Variants in TCF25 observed in about 807,000 individuals in gnomAD.
TCF25 encodes the protein TCF25 ribosome quality control complex subunit.
A neutral mutation model predicts 83.1 loss-of-function variants in TCF25; 41 were observed. That is an observed-to-expected ratio of 0.49 (90% CI 0.38 to 0.64). The LOEUF (loss-of-function observed/expected upper bound fraction) is 0.64, where lower values mean the gene tolerates loss of function less well. Ranked by LOEUF, TCF25 falls within the 30% of genes least tolerant of loss-of-function variation. The probability of loss-of-function intolerance (pLI) is 0.00; values close to 1 mark genes in which losing one functional copy is unlikely to be tolerated. For missense variants in TCF25, 979 were observed against 914.5 expected (o/e 1.07, Z -0.91); for synonymous variants, 458 against 365.0 (o/e 1.25, Z -2.90).
At chr16:89,886,254 C>T in intron 4 of TCF25, 1 of 376,434 alleles carries the variant, frequency 2.7e-6, no homozygotes, top group Non-Finnish European at 5.2e-6. Flanking sequence ...GGTGAAACCC[C>T]CTCTCTACTA....
At chr16:89,904,640 C>T in intron 13 of TCF25, 1 of 536,858 alleles carries the variant, frequency 1.9e-6, no homozygotes, top group Non-Finnish European at 3.4e-6. Context: ...GGGGTCATCC[C>T]CTGGCCCTCC....
chr16:89,906,169 G>A lies in TCF25; in HGVS notation c.1629-25G>A, dbSNP rs1434029410. On this transcript the variant is annotated intron_variant, in intron 14 of 17. Coordinates refer to ENST00000263346, the MANE Select transcript of TCF25 (RefSeq NM_014972.3). ...TTTCATTTGCTGTGCTTTATCTGCT[G>A]TGCCTTGTTTCTCCCCGGCCCTAGG... The A allele has an allele frequency of 2.5e-6, 4 of 1,605,798 alleles. No homozygotes were observed. The Admixed American group carries it at 5.0e-5, about 20-fold the overall frequency.
At chr16:89,876,158 C>T (rs1192321896) in intron 1 of TCF25, among the ~76,000 whole-genome samples, 1 of 152,120 alleles carries the variant, frequency 6.6e-6, no homozygotes, top group African/African-American at 2.4e-5. Flanking sequence ...GTAACACTAA[C>T]AGCCTCCATG....
intron 13 of TCF25, chr16:89,904,606 AAC>A (rs755054218): frequency 4.0e-6 from 2 of 497,962 alleles, no homozygotes; most frequent in Non-Finnish European, 7.4e-6. Context: ...AGAGGGAGCA[AAC>A]ACAGGAGAAA....
chr16:89,895,688 C>T (rs1402184549), intron 8 of TCF25, among the ~76,000 whole-genome samples: 1 of 152,244 alleles, frequency 6.6e-6, no homozygotes, highest in Non-Finnish European at 1.5e-5. Flanking sequence ...TCAGCATGCA[C>T]ACGCAGTCTT....
intron 7 of TCF25, 140 bp from the exon 8 acceptor site, chr16:89,894,898 G>A: frequency 1.6e-6 from 1 of 608,746 alleles, no homozygotes; most frequent in Non-Finnish European, 2.8e-6. Context: ...TCCTGCCTCA[G>A]CCTCCCAAAG....
chr16:89,892,043 A>G (rs1218430815), intron 5 of TCF25, 150 bp from the exon 6 acceptor site: 3 of 625,388 alleles, frequency 4.8e-6, no homozygotes, highest in South Asian at 2.4e-5. Context: ...GCTTGTTTGC[A>G]TCCTGTCCTT....
rs1237700890 is a variant in TCF25 at position 89,893,770 on chromosome 16, T to C, written c.740T>C (p.Phe247Ser). The C allele has an allele frequency of 1.9e-6, 3 of 1,613,722 alleles. No individual in the cohort carries two copies. The highest frequency in any genetic ancestry group is 1.1e-5 in the South Asian group (1 of 91,016). The change falls in exon 7 of 18, where the codon TTC (phenylalanine) becomes TCC (serine). Residue 247 changes from phenylalanine (F) to serine (S), a missense_variant. Physicochemically the swap from Phe to Ser is radical, Grantham distance 155 (BLOSUM62 -2). Coordinates refer to ENST00000263346, the MANE Select transcript of TCF25 (RefSeq NM_014972.3). Reference protein sequence around the residue: ...RLLESKKGLSFFAFEHSEEYQ... With the variant: ...RLLESKKGLSSFAFEHSEEYQ... The stretch of plus-strand genomic sequence containing the variant: ...CTGGAATCAAAAAAAGGCCTCTCCT[T>C]CTTTGCGTTTGAGCACAGTGAGGAG...
Position 89,898,635 on chromosome 16 carries a change from C to T in TCF25, c.1101C>T (p.Cys367=), listed in dbSNP as rs1207051366. The part of the protein sequence containing the change: ...RGCPRTALEY[C]KLILSLEPDE... ...GCCCGCGCACGGCGCTGGAGTACTGCAAGCTCATCCTGAGGTGAGTGTCTG... is the reference window on the plus strand; with the variant it reads ...GCCCGCGCACGGCGCTGGAGTACTGTAAGCTCATCCTGAGGTGAGTGTCTG... Residue 367 remains cysteine (C), a synonymous_variant, in exon 10 of 18, where the codon TGC becomes TGT. Coordinates refer to ENST00000263346, the MANE Select transcript of TCF25 (RefSeq NM_014972.3). The T allele has an allele frequency of 3.1e-6, 5 of 1,612,786 alleles. No individual in the cohort carries two copies. Among genetic ancestry groups the T allele is most frequent in the Admixed American group, 1.7e-5 (1 of 60,010 alleles).
At chr16:89,885,495 C>T (rs891081948) in intron 3 of TCF25, among the ~76,000 whole-genome samples, 6 of 152,190 alleles carry the variant, frequency 3.9e-5, no homozygotes, top group Admixed American at 2.6e-4. Flanking sequence ...CATTGCCCTT[C>T]GTCCTCGTCT....
At chr16:89,882,583 T>C (rs889237828) in intron 1 of TCF25, among the ~76,000 whole-genome samples, 12 of 152,132 alleles carry the variant, frequency 7.9e-5, no homozygotes, top group African/African-American at 2.9e-4. Context: ...TTTTATCGTA[T>C]GTCATTTTGT....
chr16:89,907,085 G>A (rs566556397), intron 15 of TCF25, among the ~76,000 whole-genome samples, 158 bp from the exon 16 acceptor site: 2 of 152,156 alleles, frequency 1.3e-5, no homozygotes, highest in South Asian at 2.1e-4. Context: ...CCCAAAGCTC[G>A]TTGGTACAAA....
chr16:89,878,595 G>A, intron 1 of TCF25: 2 of 1,164,784 alleles, frequency 1.7e-6, no homozygotes, highest in Non-Finnish European at 1.1e-6. Context: ...CCCCATTTGA[G>A]ACCCTAAAAC....
chr16:89,876,224 G>T (rs2042178355), intron 1 of TCF25, among the ~76,000 whole-genome samples: 1 of 152,048 alleles, frequency 6.6e-6, no homozygotes, highest in Non-Finnish European at 1.5e-5. Context: ...ATTTTATCCA[G>T]TGGCACACAT....
intron 1 of TCF25, 48 bp from the exon 2 acceptor site, chr16:89,883,303 T>G (rs2042745713): frequency 6.3e-7 from 1 of 1,599,366 alleles, no homozygotes; most frequent in South Asian, 1.1e-5. Flanking sequence ...AGCATGAGCG[T>G]TCACACTGTA....
chr16:89,892,143 C>A (rs2043480881), intron 5 of TCF25, 50 bp from the exon 6 acceptor site: 24 of 1,518,722 alleles, frequency 1.6e-5, no homozygotes, highest in Non-Finnish European at 1.9e-5. Flanking sequence ...AAGCCTTGGT[C>A]CCCACACGCC....
At chr16:89,889,789 A>G (rs2043285819) in intron 5 of TCF25, 1 of 152,742 alleles carries the variant, frequency 6.5e-6, no homozygotes, top group East Asian at 1.9e-4. Flanking sequence ...ACCTCAGGTG[A>G]TCCACCCGCC....
intron 11 of TCF25, among the ~76,000 whole-genome samples, chr16:89,899,176 A>T (rs1597353140): frequency 6.6e-6 from 1 of 151,968 alleles, no homozygotes; most frequent in Non-Finnish European, 1.5e-5. Flanking sequence ...ATGATGAAAA[A>T]CCGACAACTC....
At chr16:89,888,276 T>C (rs896145245) in intron 5 of TCF25, among the ~76,000 whole-genome samples, 1 of 147,096 alleles carries the variant, frequency 6.8e-6, no homozygotes, top group Non-Finnish European at 1.5e-5. Flanking sequence ...AAAAAAAAGT[T>C]TTCAAAAGCT....
Sources: allele counts gnomAD v4.1 joint callset (sites outside exome capture counted in the v4.1 genomes callset), GRCh38; gene constraint gnomAD v4.1.1; transcripts MANE v1.5; gene names NCBI Gene and HGNC (gene_info 2026-07-23, HGNC 2026-07-21).